Variants in NEMP2 observed in about 807,000 individuals in gnomAD.
NEMP2 encodes nuclear envelope integral membrane protein 2.
Under a neutral mutation model 54.2 loss-of-function variants are expected in NEMP2, and 53 were observed. The observed-to-expected ratio is 0.98, with a 90% CI of 0.78 to 1.23. The LOEUF (loss-of-function observed/expected upper bound fraction) is 1.23, where lower values mean the gene tolerates loss of function less well. NEMP2 is among the 50% of genes most tolerant of loss of function. NEMP2 has a pLI of 0.00. For synonymous variants in NEMP2, 197 were observed against 190.3 expected (o/e 1.04, Z -0.29); for missense variants, 455 against 511.3 (o/e 0.89, Z 1.06).
Position 190,531,301 on chromosome 2 carries a change from T to C in NEMP2, c.97+3258A>G, listed in dbSNP as rs1691135019. On this transcript the variant is annotated intron_variant, in intron 1 of 8. Transcript: ENST00000409150. This position sits in a 1 kb window ranked among gnomAD's most constrained non-coding sequence, Gnocchi z 4.7. ...CCTGAATCAGATCGGGAGAAAGATCTGGAAGTGTAGGCTATCCCAGGTTTG... is the reference window on the plus strand; with the variant it reads ...CCTGAATCAGATCGGGAGAAAGATCCGGAAGTGTAGGCTATCCCAGGTTTG... 6.6e-6 allele frequency among the ~76,000 whole-genome samples: 1 copy of C among 152,208 alleles called. No individual in the cohort carries two copies. Among genetic ancestry groups the C allele is most frequent in the Non-Finnish European group, 1.5e-5 (1 of 68,030 alleles).
chr2:190,604,821 C>T, the NEMP2 span, among the ~76,000 whole-genome samples: 1 of 152,186 alleles, frequency 6.6e-6, no homozygotes, highest in Non-Finnish European at 1.5e-5. The surrounding 1 kb of genome is among the most constrained non-coding windows in gnomAD (Gnocchi z 4.5). Context: ...CCTCCTGTAT[C>T]ATTTCTTATC....
chr2:190,627,869 CA>C, the NEMP2 span: 1 of 152,234 alleles, frequency 6.6e-6, no homozygotes, highest in Non-Finnish European at 1.5e-5. The surrounding 1 kb of genome is among the most constrained non-coding windows in gnomAD (Gnocchi z 4.4). Flanking sequence ...GAAATAGATT[CA>C]AACGTACATT....
At chr2:190,640,051 C>T in the NEMP2 span, among the ~76,000 whole-genome samples, 4 of 152,052 alleles carry the variant, frequency 2.6e-5, no homozygotes, top group Non-Finnish European at 5.9e-5. Context: ...AATTTCCTTC[C>T]ATGTTTATTT....
At chr2:190,556,057 A>G in the NEMP2 span, among the ~76,000 whole-genome samples, 1 of 152,244 alleles carries the variant, frequency 6.6e-6, no homozygotes. Flanking sequence ...TCCCTGATGA[A>G]CATTGATGCG....
chr2:190,440,013 T>C, the NEMP2 span, among the ~76,000 whole-genome samples: 1 of 152,230 alleles, frequency 6.6e-6, no homozygotes, highest in South Asian at 2.1e-4. Context: ...AAATGATCTC[T>C]GAATTATGAG....
At chr2:190,641,881 G>C in the NEMP2 span, among the ~76,000 whole-genome samples, 1 of 152,146 alleles carries the variant, frequency 6.6e-6, no homozygotes. Flanking sequence ...AGAAAAACAA[G>C]GCTCTAATCC....
chr2:190,613,711 C>T, the NEMP2 span, among the ~76,000 whole-genome samples: 1 of 152,052 alleles, frequency 6.6e-6, no homozygotes, highest in Admixed American at 6.5e-5. Flanking sequence ...ACTCAGCCTC[C>T]CAAGTAGCTG....
chr2:190,552,069 TCA>T, the NEMP2 span, among the ~76,000 whole-genome samples: 38 of 152,224 alleles, frequency 2.5e-4, 2 homozygotes, highest in Admixed American at 1.7e-3. Context: ...TTAAGCACTC[TCA>T]GTCTTTGTAG....
chr2:190,582,442 C>A, the NEMP2 span, among the ~76,000 whole-genome samples: 1 of 152,116 alleles, frequency 6.6e-6, no homozygotes, highest in Non-Finnish European at 1.5e-5. The surrounding 1 kb of genome is among the most constrained non-coding windows in gnomAD (Gnocchi z 4.6). Context: ...TACATATACA[C>A]CATTATTTTA....
chr2:190,518,681 A>G, intron 4 of NEMP2, 55 bp downstream of exon 4: 1 of 1,360,520 alleles, frequency 7.4e-7, no homozygotes, highest in Non-Finnish European at 1.0e-6. Context: ...GTGGTCAAAA[A>G]TGATCTAAAT....
At chr2:190,465,944 G>C in the NEMP2 span, among the ~76,000 whole-genome samples, 1 of 152,132 alleles carries the variant, frequency 6.6e-6, no homozygotes, top group Non-Finnish European at 1.5e-5. This position sits in a 1 kb window ranked among gnomAD's most constrained non-coding sequence, Gnocchi z 4.6. Context: ...AGCAAACCAA[G>C]ATCATGCCAT....
rs376098075 is a variant in NEMP2, at chr2:190,534,693, G to C, written c.-38C>G. 5.8e-5 allele frequency: 72 copies of C among 1,242,510 alleles called. No homozygotes were observed. Among genetic ancestry groups the C allele is most frequent in the Non-Finnish European group, 7.2e-5 (71 of 990,054 alleles). The allele number at this position is 1,242,510 out of a possible 1,614,324, so 77.0% of individuals were successfully genotyped here. A position where few individuals can be genotyped will look rare whatever the true frequency, so the allele number is the denominator to read the frequency against. On this transcript the variant is annotated 5_prime_UTR_variant, in exon 1 of 9. Coordinates refer to ENST00000409150, the MANE Select transcript of NEMP2 (RefSeq NM_001142645.2). ...CAGCTCCGTGCGACCCGAGCCCTAG[G>C]GGACCGGCTCCGCTGCGAGGAGCGG...
At chr2:190,597,383 T>A in the NEMP2 span, among the ~76,000 whole-genome samples, 1 of 151,986 alleles carries the variant, frequency 6.6e-6, no homozygotes, top group African/African-American at 2.4e-5. The surrounding 1 kb of genome is among the most constrained non-coding windows in gnomAD (Gnocchi z 4.7). Context: ...AGTCTGAGTA[T>A]AAATATAGTT....
the NEMP2 span, chr2:190,640,962 C>G: frequency 6.6e-6 from 1 of 152,140 alleles, no homozygotes; most frequent in South Asian, 2.1e-4. Flanking sequence ...TCTTGCAATC[C>G]AAGCGAAGAG....
chr2:190,429,660 A>C, the NEMP2 span, among the ~76,000 whole-genome samples: 1 of 152,082 alleles, frequency 6.6e-6, no homozygotes. Flanking sequence ...TTCTTCTTTA[A>C]TGTTTAATAT....
At chr2:190,477,169 C>T in the NEMP2 span, 12 of 767,532 alleles carry the variant, frequency 1.6e-5, no homozygotes, top group South Asian at 6.0e-5. Flanking sequence ...CAAACCTGCA[C>T]GTTGTGCACA....
At chr2:190,594,414 CTCTA>C in the NEMP2 span, among the ~76,000 whole-genome samples, 1 of 152,132 alleles carries the variant, frequency 6.6e-6, no homozygotes, top group South Asian at 2.1e-4. The surrounding 1 kb of genome is among the most constrained non-coding windows in gnomAD (Gnocchi z 5.6). Flanking sequence ...TTGTTTGACC[CTCTA>C]TCTAGAACTC....
At chr2:190,629,863 A>G in the NEMP2 span, 1 of 152,256 alleles carries the variant, frequency 6.6e-6, no homozygotes, top group African/African-American at 2.4e-5. Flanking sequence ...GAAATTTTAA[A>G]ACAAGTGGGA....
chr2:190,465,849 C>T, the NEMP2 span, among the ~76,000 whole-genome samples: 11 of 152,062 alleles, frequency 7.2e-5, no homozygotes, highest in Non-Finnish European at 1.5e-4. This position sits in a 1 kb window ranked among gnomAD's most constrained non-coding sequence, Gnocchi z 4.6. Flanking sequence ...AAAAATTAGC[C>T]GGGCCTGGTA....
Sources: allele counts gnomAD v4.1 joint callset (sites outside exome capture counted in the v4.1 genomes callset), GRCh38; gene constraint gnomAD v4.1.1; non-coding constraint Gnocchi (gnomAD v3.1); transcripts MANE v1.5; gene names NCBI Gene and HGNC (gene_info 2026-07-23, HGNC 2026-07-21).